The following GLIS3 variants were observed in gnomAD, a reference collection of about 807,000 sequenced individuals.
The protein encoded by GLIS3 is zinc finger protein GLIS3.
GLIS3 carries 53 observed loss-of-function variants against 78.6 expected under a neutral mutation model. The observed-to-expected ratio is 0.67, with a 90% CI of 0.54 to 0.85. The LOEUF (loss-of-function observed/expected upper bound fraction) is 0.85. GLIS3 is among the 40% of genes least tolerant of loss of function. The pLI, the probability that GLIS3 is intolerant of heterozygous loss-of-function variation, is 0.00. For missense variants in GLIS3, 1,703 were observed against 1,231.1 expected (o/e 1.38, Z -5.74); for synonymous variants, 684 against 509.9 (o/e 1.34, Z -4.60).
At chr9:4,412,076 C>T in the GLIS3 span, among the ~76,000 whole-genome samples, 1 of 152,174 alleles carries the variant, frequency 6.6e-6, no homozygotes, top group Non-Finnish European at 1.5e-5. Context: ...TAAACAGCAT[C>T]TCTGTCCTCA....
chr9:4,411,453 T>C, the GLIS3 span, among the ~76,000 whole-genome samples: 1 of 152,212 alleles, frequency 6.6e-6, no homozygotes, highest in South Asian at 2.1e-4. Context: ...TTTTTAGTTA[T>C]CATGAAAATC....
chr9:3,981,712 A>G (rs368379800), intron 4 of GLIS3, among the ~76,000 whole-genome samples: 50 of 152,350 alleles, frequency 3.3e-4, no homozygotes, highest in African/African-American at 1.2e-3. Context: ...AAAACCTTTA[A>G]AAACCAGTGT....
At chr9:4,401,594 G>C in the GLIS3 span, among the ~76,000 whole-genome samples, 4 of 132,048 alleles carry the variant, frequency 3.0e-5, no homozygotes, top group Admixed American at 2.3e-4. Context: ...TTGCAACAGA[G>C]TCTCACTCTG....
intron 4 of GLIS3, among the ~76,000 whole-genome samples, chr9:4,013,940 A>C (rs2130068316): frequency 6.6e-6 from 1 of 152,310 alleles, no homozygotes; most frequent in Non-Finnish European, 1.5e-5. Context: ...CAGCACAAGA[A>C]TGCTCAAATC....
the GLIS3 span, among the ~76,000 whole-genome samples, chr9:4,397,682 G>C: frequency 0.04 from 224 of 5,574 alleles, no homozygotes; most frequent in South Asian, 0.14. Context: ...GGGAGGAAGG[G>C]AGGGAGGGAG....
At chr9:4,449,796 T>A in the GLIS3 span, among the ~76,000 whole-genome samples, 1 of 151,996 alleles carries the variant, frequency 6.6e-6, no homozygotes, top group Non-Finnish European at 1.5e-5. Flanking sequence ...AGGAATAGCA[T>A]CAACATCAAC....
intron 9 of GLIS3, among the ~76,000 whole-genome samples, chr9:3,834,732 C>T (rs768900234): frequency 5.9e-5 from 9 of 152,132 alleles, no homozygotes; most frequent in Non-Finnish European, 1.2e-4. Context: ...AAATTTGCCA[C>T]TTCAATCTTT....
At chr9:4,095,879 T>G (rs970982353) in intron 4 of GLIS3, among the ~76,000 whole-genome samples, 1 of 152,128 alleles carries the variant, frequency 6.6e-6, no homozygotes, top group Admixed American at 6.6e-5. Context: ...GAAACTGACA[T>G]TCAGAGAAGT....
At chr9:4,179,451 T>C (rs1335234499) in intron 2 of GLIS3, among the ~76,000 whole-genome samples, 1 of 152,190 alleles carries the variant, frequency 6.6e-6, no homozygotes, top group African/African-American at 2.4e-5. Context: ...TTGTTTGGGA[T>C]AGTCCTGGGG....
the GLIS3 span, among the ~76,000 whole-genome samples, chr9:4,384,970 A>G: frequency 6.6e-6 from 1 of 152,242 alleles, no homozygotes; most frequent in Non-Finnish European, 1.5e-5. Context: ...CAGCTATACA[A>G]GCTTCATAAT....
At chr9:4,447,527 G>A in the GLIS3 span, among the ~76,000 whole-genome samples, 10 of 152,014 alleles carry the variant, frequency 6.6e-5, no homozygotes, top group Non-Finnish European at 7.4e-5. Flanking sequence ...AGTATTACAG[G>A]TACTTGTTTT....
chr9:4,029,538 C>T (rs1259209877), intron 4 of GLIS3, among the ~76,000 whole-genome samples: 3 of 152,036 alleles, frequency 2.0e-5, no homozygotes, highest in South Asian at 4.2e-4. Context: ...AATAGTAGGT[C>T]TTATGCATTC....
At chr9:4,311,242 C>G (rs570320006) in intron 2 of GLIS3, among the ~76,000 whole-genome samples, 1 of 152,234 alleles carries the variant, frequency 6.6e-6, no homozygotes, top group African/African-American at 2.4e-5. Flanking sequence ...AACCCCGTCT[C>G]TACTAAAAAT....
chr9:3,965,571 C>T (rs1053331672), intron 4 of GLIS3, among the ~76,000 whole-genome samples: 1 of 152,192 alleles, frequency 6.6e-6, no homozygotes, highest in African/African-American at 2.4e-5. Flanking sequence ...CATCAACAGT[C>T]TAAAGAAAAG....
intron 8 of GLIS3, among the ~76,000 whole-genome samples, chr9:3,871,367 G>A (rs1396550250): frequency 1.3e-5 from 2 of 152,230 alleles, no homozygotes; most frequent in African/African-American, 4.8e-5. Context: ...CCACTAGACA[G>A]TGTCCCAGTA....
At chr9:3,857,234 C>G (rs1819854658) in intron 8 of GLIS3, among the ~76,000 whole-genome samples, 1 of 152,198 alleles carries the variant, frequency 6.6e-6, no homozygotes, top group Admixed American at 6.5e-5. Context: ...AACTTTTAAT[C>G]AGCTGTTCCT....
At chr9:4,187,938 G>A (rs1015139621) in intron 2 of GLIS3, among the ~76,000 whole-genome samples, 48 of 152,146 alleles carry the variant, frequency 3.2e-4, no homozygotes, top group South Asian at 2.5e-3. Flanking sequence ...CATGTCATCT[G>A]CAAACAGGGA....
At chr9:4,403,119 G>A in the GLIS3 span, among the ~76,000 whole-genome samples, 1 of 152,146 alleles carries the variant, frequency 6.6e-6, no homozygotes, top group Non-Finnish European at 1.5e-5. Context: ...ATGTCTGGCA[G>A]CAAACTTTTC....
intron 4 of GLIS3, among the ~76,000 whole-genome samples, chr9:3,976,568 T>C (rs970427832): frequency 6.6e-6 from 1 of 151,714 alleles, no homozygotes; most frequent in African/African-American, 2.4e-5. Flanking sequence ...TGCTCCCCTC[T>C]GACACCCTCT....
Sources: gnomAD v4.1 joint callset for allele counts (sites outside exome capture counted in the v4.1 genomes callset) on GRCh38, gnomAD v4.1.1 for gene constraint, MANE v1.5 for transcripts, NCBI Gene and HGNC (gene_info 2026-07-23, HGNC 2026-07-21) for gene names.